The following ESYT3 variants were observed in gnomAD, a reference collection of about 807,000 sequenced individuals.
The protein encoded by ESYT3 is extended synaptotagmin-3.
Under a neutral mutation model 111.5 loss-of-function variants are expected in ESYT3, and 101 were observed. The ratio of observed to expected loss-of-function variants is 0.91; its 90% CI spans 0.77 to 1.07. The LOEUF is 1.07. Among genes scored for constraint, ESYT3 ranks in the 50% least tolerant of loss-of-function variants. ESYT3 has a pLI of 0.00. For missense variants in ESYT3, 1,097 were observed against 1,109.4 expected (o/e 0.99, Z 0.16); for synonymous variants, 416 against 446.8 (o/e 0.93, Z 0.87).
At chr3:138,438,091 G>T (rs201533847) in intron 1 of ESYT3, among the ~76,000 whole-genome samples, 5 of 152,334 alleles carry the variant, frequency 3.3e-5, no homozygotes, top group South Asian at 2.1e-4. Context: ...GGCTCTGGGC[G>T]TGGTGGGGGC....
At position 138,477,577 on chromosome 3, in the gene ESYT3, C is replaced by T. The variant is rs1183940106; in HGVS notation, c.*723C>T. 1 of 152,194 alleles carries T rather than the reference C, an allele frequency of 6.6e-6. No individual in the cohort carries two copies. Among genetic ancestry groups the T allele is most frequent in the African/African-American group, 2.4e-5 (1 of 41,418 alleles). The allele number at this position is 152,194 out of a possible 1,614,324, so 9.4% of individuals were successfully genotyped here. A position where few individuals can be genotyped will look rare whatever the true frequency, so the allele number is the denominator to read the frequency against. ...CCATAGGAAAATGCAAACCAAGTTC[C>T]AAGCCCAGGTCTATGTCTGACTCTC... On this transcript the variant is annotated 3_prime_UTR_variant, in exon 23 of 23. Transcript: ENST00000389567.
chr3:138,465,193 C>T, intron 9 of ESYT3, 146 bp from the exon 10 acceptor site: 1 of 604,566 alleles, frequency 1.7e-6, no homozygotes, highest in Non-Finnish European at 3.0e-6. Flanking sequence ...AGGGGAGGGG[C>T]TTCACTCCCT....
rs781310352 is a variant in ESYT3, at chr3:138,462,153, G to A, written c.862G>A (p.Val288Met). The A allele has an allele frequency of 1.9e-6, 3 of 1,614,236 alleles. No individual in the cohort carries two copies. The highest frequency in any genetic ancestry group is 1.7e-5 in the Admixed American group (1 of 60,018). Residue 288 changes from valine to methionine, a missense_variant, in exon 8 of 23, where the codon GTG becomes ATG. Coordinates refer to ENST00000389567, the MANE Select transcript of ESYT3 (RefSeq NM_031913.5). Reference protein sequence around the residue: ...THLVLPNRVTVPVKKGLDLTN... With the variant: ...THLVLPNRVTMPVKKGLDLTN... ...CCTGGTGCTGCCCAACCGTGTGACT[G>A]TGCCTGTGAAGAAGGGGCTGGATCT...
At chr3:138,447,966 A>C (rs892842837) in intron 1 of ESYT3, among the ~76,000 whole-genome samples, 1 of 151,962 alleles carries the variant, frequency 6.6e-6, no homozygotes, top group Non-Finnish European at 1.5e-5. Flanking sequence ...GAGAAAGAAA[A>C]AGCAAAATGG....
At position 138,472,664 on chromosome 3, in the gene ESYT3, A is replaced by C. The variant is rs1409086612; in HGVS notation, c.2042A>C (p.Glu681Ala). The part of the protein sequence containing the change: ...SAKRFCEPIG[E>A]KKSPATIFLT... ...AAAAGGTTCTGTGAGCCCATCGGGGAGAAGAAGAGTCCAGCCACCATCTTC... is the reference window on the plus strand; with the variant it reads ...AAAAGGTTCTGTGAGCCCATCGGGGCGAAGAAGAGTCCAGCCACCATCTTC... Residue 681 changes from glutamate (E) to alanine (A), a missense_variant, in exon 18 of 23, where the codon GAG becomes GCG. Physicochemically the swap from Glu to Ala is moderately radical, Grantham distance 107. Transcript: ENST00000389567. The C allele has an allele frequency of 6.2e-7, 1 of 1,614,010 alleles. No homozygotes were observed. The highest frequency in any genetic ancestry group is 8.5e-7 in the Non-Finnish European group (1 of 1,179,998).
Position 138,476,858 on chromosome 3 carries a change from T to A in ESYT3, c.*4T>A, listed in dbSNP as rs1553822939. The stretch of plus-strand genomic sequence containing the variant: ...AAATGGACAGCCCAGAAGCTGATGA[T>A]GAGAATTCTTATCACTCACCTTTAT... On this transcript the variant is annotated 3_prime_UTR_variant, in exon 23 of 23. Transcript: ENST00000389567. 6.2e-7 allele frequency: 1 copy of A among 1,613,448 alleles called. No homozygotes were observed. Among genetic ancestry groups the A allele is most frequent in the Non-Finnish European group, 8.5e-7 (1 of 1,179,448 alleles).
chr3:138,458,172 A>T (rs1310468336), intron 4 of ESYT3, among the ~76,000 whole-genome samples: 1 of 152,190 alleles, frequency 6.6e-6, no homozygotes, highest in Non-Finnish European at 1.5e-5. Flanking sequence ...TAAAAGACAA[A>T]GGACCAACTC....
intron 4 of ESYT3, 107 bp from the exon 5 acceptor site, chr3:138,459,080 C>G (rs1413369032): frequency 1.2e-5 from 10 of 844,928 alleles, no homozygotes; most frequent in Non-Finnish European, 1.4e-5. Context: ...GGGTCGGCAA[C>G]TGGCTGCCTG....
chr3:138,451,736 G>T (rs1412604212), intron 1 of ESYT3, among the ~76,000 whole-genome samples: 1 of 152,236 alleles, frequency 6.6e-6, no homozygotes, highest in Non-Finnish European at 1.5e-5. Flanking sequence ...GCCCGCCACC[G>T]CGTGCCCAGA....
intron 1 of ESYT3, among the ~76,000 whole-genome samples, chr3:138,449,856 C>A (rs1156605233): frequency 6.6e-5 from 10 of 152,196 alleles, no homozygotes; most frequent in Non-Finnish European, 2.9e-5. Context: ...TTCATTCATT[C>A]CACAAATATT....
At chr3:138,459,755 G>C (rs1411019321) in intron 5 of ESYT3, among the ~76,000 whole-genome samples, 190 bp from the exon 6 acceptor site, 1 of 152,240 alleles carries the variant, frequency 6.6e-6, no homozygotes, top group Non-Finnish European at 1.5e-5. Flanking sequence ...GGCAAGAGGT[G>C]GCAGCTGTGT....
In ESYT3 at chr3:138,478,922, A is replaced by G. The variant is rs915873562; in HGVS notation, c.*2068A>G. ...CCCAAACCTAAGACGGAATGTGAATATTGGTTTAGAACCTGGAAGCCTGTG... is the reference window on the plus strand; with the variant it reads ...CCCAAACCTAAGACGGAATGTGAATGTTGGTTTAGAACCTGGAAGCCTGTG... On this transcript the variant is annotated 3_prime_UTR_variant, in exon 23 of 23. Transcript: ENST00000389567. The G allele has an allele frequency of 1.3e-5, 2 of 152,206 alleles. No individual in the cohort carries two copies. The highest frequency in any genetic ancestry group is 4.8e-5 in the African/African-American group (2 of 41,438). 9.4% of individuals were successfully genotyped at this position (152,206 alleles called of 1,614,324 possible). A position where few individuals can be genotyped will look rare whatever the true frequency, so the allele number is the denominator to read the frequency against.
intron 11 of ESYT3, among the ~76,000 whole-genome samples, chr3:138,467,870 C>A (rs577065626): frequency 6.6e-6 from 1 of 152,246 alleles, no homozygotes; most frequent in South Asian, 2.1e-4. Flanking sequence ...GGAGGGCAGG[C>A]TGGGCCTGGG....
chr3:138,452,201 G>GCAT, intron 2 of ESYT3, 112 bp downstream of exon 2: 6 of 947,166 alleles, frequency 6.3e-6, no homozygotes, highest in Non-Finnish European at 8.0e-6. Flanking sequence ...CTTGCCTGAC[G>GCAT]CGGGCAGGGA....
intron 18 of ESYT3, 78 bp downstream of exon 18, chr3:138,472,937 A>G (rs2033306098): frequency 2.1e-5 from 32 of 1,530,138 alleles, no homozygotes; most frequent in Non-Finnish European, 2.8e-5. Context: ...GTAGATATGA[A>G]CTTACATTTC....
chr3:138,478,533 C>G lies in ESYT3; in HGVS notation c.*1679C>G, dbSNP rs536381260. Reference sequence around the variant, plus strand: ...TATGTACATCGAAACATTAGCAACCCTAAAACAGCTAATCAAAATGGCAGA... The same window carrying G: ...TATGTACATCGAAACATTAGCAACCGTAAAACAGCTAATCAAAATGGCAGA... On this transcript the variant is annotated 3_prime_UTR_variant, in exon 23 of 23. Transcript: ENST00000389567. 30 of 152,290 alleles carry G rather than the reference C, an allele frequency of 2.0e-4. No homozygotes were observed. Among genetic ancestry groups the G allele is most frequent in the African/African-American group, 7.2e-4 (30 of 41,564 alleles). 9.4% of individuals were successfully genotyped at this position (152,290 alleles called of 1,614,324 possible).
chr3:138,438,479 G>C (rs1316493659), intron 1 of ESYT3, among the ~76,000 whole-genome samples: 2 of 152,190 alleles, frequency 1.3e-5, no homozygotes, highest in African/African-American at 2.4e-5. Context: ...CTGTGAAGGA[G>C]TGGAGGCCAA....
chr3:138,459,999 G>T lies in ESYT3; in HGVS notation c.703G>T (p.Val235Leu), dbSNP rs774608302. ...LEPLLVDKPF[V>L]GAVTVFFLQK... is the part of the protein sequence containing the mutation. ...GCCCCTCCTAGTGGACAAGCCCTTT[G>T]TGGGAGCCGTGACTGTGTTCTTCCT... The change falls in exon 6 of 23, where the codon GTG (valine) becomes TTG (leucine). Residue 235 changes from valine (V) to leucine (L), a missense_variant. By Grantham distance (32) the Val-to-Leu change is conservative. Coordinates refer to ENST00000389567, the MANE Select transcript of ESYT3 (RefSeq NM_031913.5). The T allele has an allele frequency of 1.2e-6, 2 of 1,614,168 alleles. No individual in the cohort carries two copies. Among genetic ancestry groups the T allele is most frequent in the Admixed American group, 3.3e-5 (2 of 60,028 alleles).
At position 138,451,991 on chromosome 3, in the gene ESYT3, G is replaced by C. The variant is rs1488827849; in HGVS notation, c.328-57G>C. 5 of 1,595,890 alleles carry C rather than the reference G, an allele frequency of 3.1e-6. No homozygotes were observed. The African/African-American group carries it at 4.0e-5, about 13-fold the overall frequency. ...GGAAGCCCGCCAGGCTGGCTTGCTT[G>C]GTTCCCAGCGGGTGTGCGGCTTCTA... On this transcript the variant is annotated intron_variant, in intron 1 of 22. Coordinates refer to ENST00000389567, the MANE Select transcript of ESYT3 (RefSeq NM_031913.5).
Sources: allele counts gnomAD v4.1 joint callset (sites outside exome capture counted in the v4.1 genomes callset), GRCh38; gene constraint gnomAD v4.1.1; transcripts MANE v1.5; gene names NCBI Gene and HGNC (gene_info 2026-07-23, HGNC 2026-07-21).